The following PKIB variants were observed in gnomAD, a reference collection of about 807,000 sequenced individuals.
PKIB encodes PKI-beta.
PKIB carries 2 observed loss-of-function variants against 4.5 expected under a neutral mutation model. The ratio of observed to expected loss-of-function variants is 0.44; its 90% CI spans 0.18 to 1.39. The LOEUF (loss-of-function observed/expected upper bound fraction) is 1.39, where lower values mean the gene tolerates loss of function less well. Ranked by LOEUF, PKIB falls within the 40% of genes most tolerant of loss-of-function variation. The pLI, the probability that PKIB is intolerant of heterozygous loss-of-function variation, is 0.27. For missense variants in PKIB, 94 were observed against 92.6 expected, an observed-to-expected ratio of 1.02 and a Z score of -0.06; for synonymous variants, 38 against 36.0, an observed-to-expected ratio of 1.06 and a Z score of -0.20.
chr6:122,575,026 AC>A (rs1225436388), intron 2 of PKIB, among the ~76,000 whole-genome samples: 2 of 152,200 alleles, frequency 1.3e-5, no homozygotes, highest in African/African-American at 4.8e-5. Context: ...TCCAGAATCT[AC>A]AAGGAACTCA....
chr6:122,587,079 G>A (rs1407345035), intron 3 of PKIB, among the ~76,000 whole-genome samples: 1 of 151,994 alleles, frequency 6.6e-6, no homozygotes, highest in Non-Finnish European at 1.5e-5. Context: ...ACAATGTGCA[G>A]GTTTGTTACA....
intron 4 of PKIB, among the ~76,000 whole-genome samples, chr6:122,723,712 A>G (rs561679002): frequency 2.6e-5 from 4 of 152,036 alleles, no homozygotes; most frequent in Non-Finnish European, 4.4e-5. Flanking sequence ...ATCTATATAG[A>G]ATTCTTCTTC....
chr6:122,722,105 A>G (rs183499904), intron 4 of PKIB, among the ~76,000 whole-genome samples: 19 of 152,298 alleles, frequency 1.2e-4, no homozygotes, highest in South Asian at 2.1e-4. Context: ...AATAACAGCA[A>G]TGTTAACTAG....
At chr6:122,635,601 C>A (rs1775889335) in intron 2 of PKIB, among the ~76,000 whole-genome samples, 3 of 147,748 alleles carry the variant, frequency 2.0e-5, no homozygotes, top group African/African-American at 7.4e-5. Flanking sequence ...CATAAAAATT[C>A]ATTGAAATAC....
chr6:122,668,164 G>A (rs1777305519), intron 2 of PKIB, among the ~76,000 whole-genome samples: 1 of 152,164 alleles, frequency 6.6e-6, no homozygotes, highest in Non-Finnish European at 1.5e-5. Flanking sequence ...ACCTGGAGAA[G>A]TGAAAAGTAT....
At chr6:122,547,212 C>A (rs1406513464) in intron 2 of PKIB, among the ~76,000 whole-genome samples, 8 of 152,028 alleles carry the variant, frequency 5.3e-5, no homozygotes, top group Admixed American at 4.6e-4. Flanking sequence ...GTGTTAGGTT[C>A]CAGCCCATGC....
chr6:122,602,813 G>A (rs976661875), intron 3 of PKIB, among the ~76,000 whole-genome samples: 9 of 151,798 alleles, frequency 5.9e-5, no homozygotes, highest in Admixed American at 2.0e-4. Flanking sequence ...AAAATTAGCC[G>A]GGTGTGGTGG....
chr6:122,580,811 C>G (rs946454142), intron 2 of PKIB, among the ~76,000 whole-genome samples: 1 of 152,126 alleles, frequency 6.6e-6, no homozygotes, highest in African/African-American at 2.4e-5. Flanking sequence ...ATAAACGAAA[C>G]AGGAAGGGTT....
At chr6:122,589,218 T>C (rs1365703771) in intron 3 of PKIB, among the ~76,000 whole-genome samples, 1 of 152,138 alleles carries the variant, frequency 6.6e-6, no homozygotes, top group Non-Finnish European at 1.5e-5. Context: ...TGTTTTTGCG[T>C]AGGGGAATGG....
chr6:122,625,734 T>A (rs1000805750), intron 1 of PKIB, among the ~76,000 whole-genome samples: 1 of 152,016 alleles, frequency 6.6e-6, no homozygotes, highest in African/African-American at 2.4e-5. Context: ...ACTGTCACAG[T>A]TGTAGAAATC....
chr6:122,713,075 T>A (rs1232211975), intron 3 of PKIB, among the ~76,000 whole-genome samples: 1 of 152,088 alleles, frequency 6.6e-6, no homozygotes, highest in African/African-American at 2.4e-5. Context: ...GATGCTGGCA[T>A]GTGTGTATAT....
chr6:122,525,659 A>ATTAAAAAATACTC (rs978774834), intron 2 of PKIB, among the ~76,000 whole-genome samples: 4 of 152,222 alleles, frequency 2.6e-5, no homozygotes, highest in African/African-American at 9.6e-5. Context: ...ACATACTTTA[A>ATTAAAAAATACTC]TTAAAAAATA....
chr6:122,617,512 A>G (rs762795975), intron 1 of PKIB, among the ~76,000 whole-genome samples: 31 of 152,214 alleles, frequency 2.0e-4, no homozygotes, highest in Admixed American at 1.3e-4. Flanking sequence ...TAAACCTTTC[A>G]GTATTCAGTG....
chr6:122,551,850 G>A (rs571282783), intron 2 of PKIB, among the ~76,000 whole-genome samples: 64 of 150,086 alleles, frequency 4.3e-4, no homozygotes, highest in African/African-American at 1.4e-3. Flanking sequence ...GAAAGTGACG[G>A]AAGGAATCTT....
intron 2 of PKIB, chr6:122,483,056 C>G (rs1260511424): frequency 6.6e-6 from 1 of 150,848 alleles, no homozygotes; most frequent in East Asian, 1.9e-4. Flanking sequence ...TTGTCTTAAT[C>G]ATATAAATTT....
intron 2 of PKIB, among the ~76,000 whole-genome samples, chr6:122,657,196 T>C (rs1038295909): frequency 6.6e-6 from 1 of 152,196 alleles, no homozygotes; most frequent in African/African-American, 2.4e-5. Context: ...TCAATAAACA[T>C]TTGTTAAACG....
chr6:122,672,335 C>T (rs758914135), intron 2 of PKIB, among the ~76,000 whole-genome samples: 1 of 152,140 alleles, frequency 6.6e-6, no homozygotes, highest in African/African-American at 2.4e-5. Context: ...AGAAAATATT[C>T]CTCATCTAAA....
intron 2 of PKIB, among the ~76,000 whole-genome samples, chr6:122,526,621 G>A (rs1777098282): frequency 6.6e-6 from 1 of 152,082 alleles, no homozygotes; most frequent in East Asian, 1.9e-4. Flanking sequence ...TCTCAACAAT[G>A]GACTTAAAAT....
At chr6:122,482,027 C>G (rs958558643) in intron 2 of PKIB, 1 of 148,454 alleles carries the variant, frequency 6.7e-6, no homozygotes, top group African/African-American at 2.5e-5. Context: ...GGCGCGATCT[C>G]GGCTCACTGC....
Sources: allele counts gnomAD v4.1 joint callset (sites outside exome capture counted in the v4.1 genomes callset), GRCh38; gene constraint gnomAD v4.1.1; transcripts MANE v1.5; gene names NCBI Gene and HGNC (gene_info 2026-07-23, HGNC 2026-07-21).